The following DLG2 variants were observed in gnomAD, a reference collection of about 807,000 sequenced individuals.
DLG2 encodes the protein disks large homolog 2.
In DLG2, 45 loss-of-function variants were observed where a neutral mutation model predicts 132.5. The ratio of observed to expected loss-of-function variants is 0.34; its 90% CI spans 0.27 to 0.44. DLG2 has a LOEUF of 0.44. DLG2 is among the 20% of genes least tolerant of loss of function. The pLI is 1.00. For missense variants in DLG2, 1,045 were observed against 1,196.9 expected, an observed-to-expected ratio of 0.87 and a Z score of 1.87; for synonymous variants, 424 against 419.6, an observed-to-expected ratio of 1.01 and a Z score of -0.13.
At chr11:85,099,648 A>C (rs1173027869) in intron 6 of DLG2, among the ~76,000 whole-genome samples, 1 of 152,132 alleles carries the variant, frequency 6.6e-6, no homozygotes, top group Non-Finnish European at 1.5e-5. Flanking sequence ...AGCAGTATGA[A>C]GTTTTCAAGT....
chr11:84,104,983 G>A lies in DLG2; in HGVS notation c.625-5936C>T, dbSNP rs191588103. On this transcript the variant is annotated intron_variant, in intron 9 of 27. Transcript: ENST00000376104. Reference sequence around the variant, plus strand: ...AAAAACTGAGGCTGAGAGGAGTGAAGTAACTTACTTAAAGACGTGAAGCAA... The same window carrying A: ...AAAAACTGAGGCTGAGAGGAGTGAAATAACTTACTTAAAGACGTGAAGCAA... 3.1e-3 allele frequency among the ~76,000 whole-genome samples: 463 copies of A among 151,292 alleles called. 2 individuals are homozygous for A. Among genetic ancestry groups the A allele is most frequent in the African/African-American group, 0.011 (439 of 40,760 alleles).
chr11:84,754,959 A>C (rs1307320756), intron 6 of DLG2, among the ~76,000 whole-genome samples: 1 of 152,196 alleles, frequency 6.6e-6, no homozygotes, highest in Non-Finnish European at 1.5e-5. Context: ...TCTAAAAAAT[A>C]AAGTCCAAAA....
chr11:85,130,626 A>G (rs924726314), intron 5 of DLG2, among the ~76,000 whole-genome samples: 1 of 152,230 alleles, frequency 6.6e-6, no homozygotes, highest in African/African-American at 2.4e-5. Flanking sequence ...CTGTAAAGCA[A>G]TAATTGAAGA....
chr11:84,971,465 T>C (rs1462750780), intron 6 of DLG2, among the ~76,000 whole-genome samples: 2 of 152,188 alleles, frequency 1.3e-5, no homozygotes, highest in African/African-American at 4.8e-5. Context: ...AAAAAAACTA[T>C]TCTGGAGAAA....
At chr11:85,603,106 A>G (rs907607704) in intron 2 of DLG2, among the ~76,000 whole-genome samples, 2 of 152,250 alleles carry the variant, frequency 1.3e-5, no homozygotes, top group Non-Finnish European at 2.9e-5. Flanking sequence ...TCCAATTTAT[A>G]TTAACAAAGA....
chr11:85,391,351 T>TCAAGG (rs2086783231), intron 3 of DLG2, among the ~76,000 whole-genome samples: 1 of 152,098 alleles, frequency 6.6e-6, no homozygotes, highest in Non-Finnish European at 1.5e-5. Context: ...ACAGCTGAAT[T>TCAAGG]ATATCAGACA....
intron 16 of DLG2, among the ~76,000 whole-genome samples, chr11:83,866,364 C>A (rs1265034502): frequency 6.6e-6 from 1 of 152,094 alleles, no homozygotes; most frequent in Non-Finnish European, 1.5e-5. Context: ...GTTTAAGCAA[C>A]TAAATCTTGT....
At chr11:84,089,733 CT>C (rs546070682) in intron 10 of DLG2, among the ~76,000 whole-genome samples, 9 of 151,772 alleles carry the variant, frequency 5.9e-5, no homozygotes, top group South Asian at 2.1e-4. Context: ...AAGAAAACTT[CT>C]TTTTTTTTAT....
At chr11:85,293,189 TTGAGG>T (rs1415881648) in intron 3 of DLG2, among the ~76,000 whole-genome samples, 2 of 152,124 alleles carry the variant, frequency 1.3e-5, no homozygotes, top group Non-Finnish European at 2.9e-5. Context: ...TATAAAATCA[TTGAGG>T]GATTCTGCAA....
chr11:84,957,588 C>G (rs1209887815), intron 6 of DLG2, among the ~76,000 whole-genome samples: 1 of 152,140 alleles, frequency 6.6e-6, no homozygotes, highest in African/African-American at 2.4e-5. Flanking sequence ...CCCTCTCAGG[C>G]AAAATGGGTT....
At chr11:83,825,303 T>A (rs1172042868) in intron 17 of DLG2, among the ~76,000 whole-genome samples, 2 of 150,326 alleles carry the variant, frequency 1.3e-5, no homozygotes, top group Non-Finnish European at 3.0e-5. Flanking sequence ...TGCCTCAGCA[T>A]CCTGAGTAGC....
intron 3 of DLG2, among the ~76,000 whole-genome samples, chr11:85,496,101 C>A (rs968700195): frequency 6.6e-6 from 1 of 152,198 alleles, no homozygotes; most frequent in Non-Finnish European, 1.5e-5. Context: ...CACGGTGTCA[C>A]ATCACACAGG....
chr11:85,411,482 A>C (rs1474135480), intron 3 of DLG2, among the ~76,000 whole-genome samples: 1 of 151,854 alleles, frequency 6.6e-6, no homozygotes, highest in Non-Finnish European at 1.5e-5. Context: ...GCAAATATTA[A>C]TAACAAATTT....
chr11:84,219,978 C>A (rs576054078), intron 8 of DLG2, among the ~76,000 whole-genome samples: 1 of 152,326 alleles, frequency 6.6e-6, no homozygotes, highest in South Asian at 2.1e-4. Context: ...CAAAATCTCA[C>A]ATTGTTCCAC....
At chr11:84,184,132 A>G (rs1344356558) in intron 8 of DLG2, among the ~76,000 whole-genome samples, 10 of 152,124 alleles carry the variant, frequency 6.6e-5, no homozygotes, top group Non-Finnish European at 1.5e-4. Flanking sequence ...TTAGTTCTAG[A>G]TCCCTGAGGA....
intron 7 of DLG2, among the ~76,000 whole-genome samples, chr11:84,295,378 T>C (rs1419936032): frequency 1.3e-5 from 2 of 152,194 alleles, no homozygotes; most frequent in African/African-American, 4.8e-5. Context: ...ATAAAGCACA[T>C]GGCATTATCA....
chr11:85,148,841 T>C (rs1197507010), intron 5 of DLG2, among the ~76,000 whole-genome samples: 1 of 152,212 alleles, frequency 6.6e-6, no homozygotes, highest in Non-Finnish European at 1.5e-5. Flanking sequence ...CTGTCTTGAA[T>C]GGTATTGCCT....
At chr11:83,563,132 G>A (rs4303248) in intron 19 of DLG2, among the ~76,000 whole-genome samples, 63,792 of 151,286 alleles carry the variant, frequency 0.42, 13,876 homozygotes, top group Admixed American at 0.51. Flanking sequence ...CTGCCACCAC[G>A]CCCAGCTAAT....
intron 6 of DLG2, among the ~76,000 whole-genome samples, chr11:84,863,521 T>C (rs1424041772): frequency 6.6e-6 from 1 of 152,134 alleles, no homozygotes; most frequent in Admixed American, 6.6e-5. Context: ...ATCCATCCCT[T>C]CCTTTACTCT....
Sources: allele counts gnomAD v4.1 joint callset (sites outside exome capture counted in the v4.1 genomes callset), GRCh38; gene constraint gnomAD v4.1.1; transcripts MANE v1.5; gene names NCBI Gene and HGNC (gene_info 2026-07-23, HGNC 2026-07-21).